Variants in MROH7 observed in about 807,000 individuals in gnomAD.
The protein encoded by MROH7 is maestro heat-like repeat-containing protein family member 7.
MROH7 carries 113 observed loss-of-function variants against 129.2 expected under a neutral mutation model. The observed-to-expected ratio is 0.87, with a 90% CI of 0.75 to 1.02. The LOEUF is 1.02. Among genes scored for constraint, MROH7 ranks in the 50% least tolerant of loss-of-function variants. The pLI is 0.00. For missense variants in MROH7, 1,601 were observed against 1,671.3 expected (o/e 0.96, Z 0.73); for synonymous variants, 655 against 667.9 (o/e 0.98, Z 0.30).
At chr1:54,673,903 C>A in intron 9 of MROH7, 98 bp downstream of exon 9, 1 of 1,526,000 alleles carries the variant, frequency 6.6e-7, no homozygotes, top group Admixed American at 1.7e-5. Context: ...GTGGCTCTTG[C>A]CATCTTCAGA....
intron 17 of MROH7, chr1:54,697,811 G>T: frequency 1.7e-6 from 1 of 591,802 alleles, no homozygotes. Context: ...TTCTAAGTCT[G>T]TTAGTGTCTA....
chr1:54,650,977 C>T (rs1404096144), intron 1 of MROH7, among the ~76,000 whole-genome samples: 2 of 152,044 alleles, frequency 1.3e-5, no homozygotes, highest in Non-Finnish European at 2.9e-5. Flanking sequence ...CTCCTGCGTC[C>T]GCCTTCCAAA....
intron 10 of MROH7, 82 bp from the exon 11 acceptor site, chr1:54,678,660 C>T: frequency 2.1e-6 from 2 of 933,560 alleles, no homozygotes; most frequent in Non-Finnish European, 3.5e-6. Context: ...AAGTTAGTTC[C>T]TTATGATGTA....
intron 15 of MROH7, among the ~76,000 whole-genome samples, chr1:54,690,678 C>G (rs986827844): frequency 3.3e-5 from 5 of 152,096 alleles, no homozygotes; most frequent in African/African-American, 1.2e-4. Context: ...CTCCTGACCT[C>G]GTGATCCACC....
intron 15 of MROH7, 26 bp downstream of exon 15, chr1:54,686,474 C>T: frequency 6.3e-7 from 1 of 1,599,774 alleles, no homozygotes. Context: ...TCTCTTGACC[C>T]TGCTGTCCCC....
At chr1:54,670,667 A>ACCCCCCCCCCC in intron 6 of MROH7, 91 bp downstream of exon 6, 11 of 960,094 alleles carry the variant, frequency 1.1e-5, no homozygotes, top group East Asian at 6.5e-5. Context: ...CCCTCCCCCA[A>ACCCCCCCCCCC]CCCGCCCCCA....
At chr1:54,664,350 G>A (rs766211816) in intron 3 of MROH7, among the ~76,000 whole-genome samples, 1 of 152,238 alleles carries the variant, frequency 6.6e-6, no homozygotes. Flanking sequence ...GACAATGCAC[G>A]ACAAGACCAT....
At position 54,643,197 on chromosome 1, in the gene MROH7, G is replaced by A. The variant is rs1644414228; in HGVS notation, c.-110+1229G>A. On this transcript the variant is annotated intron_variant, in intron 1 of 23. Transcript: ENST00000421030. Reference sequence around the variant, plus strand: ...TGAGGAGGGTGCCTCACCCACATTTGGGGATTCCAGGAAGACTTCCTGGGG... The same window carrying A: ...TGAGGAGGGTGCCTCACCCACATTTAGGGATTCCAGGAAGACTTCCTGGGG... 2.0e-5 allele frequency among the ~76,000 whole-genome samples: 3 copies of A among 152,194 alleles called. No homozygotes were observed. The South Asian group carries it at 6.2e-4, about 31-fold the overall frequency.
chr1:54,681,137 G>A (rs1645063974), intron 13 of MROH7, among the ~76,000 whole-genome samples: 1 of 152,126 alleles, frequency 6.6e-6, no homozygotes, highest in Non-Finnish European at 1.5e-5. Context: ...CATAGTCTCG[G>A]GTGCCAAGTC....
At chr1:54,675,209 C>T (rs887753504) in intron 10 of MROH7, among the ~76,000 whole-genome samples, 4 of 152,152 alleles carry the variant, frequency 2.6e-5, no homozygotes, top group East Asian at 1.9e-4. Flanking sequence ...CTCCTGACCT[C>T]GAGTGACCCA....
chr1:54,695,815 G>A, intron 17 of MROH7: 2 of 376,056 alleles, frequency 5.3e-6, no homozygotes, highest in South Asian at 2.1e-5. Flanking sequence ...GTGTGGCAGA[G>A]GACACAGAGG....
intron 1 of MROH7, among the ~76,000 whole-genome samples, chr1:54,642,764 C>T (rs2101045671): frequency 6.6e-6 from 1 of 152,250 alleles, no homozygotes; most frequent in South Asian, 2.1e-4. Flanking sequence ...TACAGGTGCA[C>T]ACATCATGCC....
At chr1:54,668,487 C>G (rs1287797542) in intron 4 of MROH7, among the ~76,000 whole-genome samples, 1 of 152,136 alleles carries the variant, frequency 6.6e-6, no homozygotes, top group African/African-American at 2.4e-5. Flanking sequence ...TAGCAGAATG[C>G]CTCAATCTGA....
At chr1:54,707,299 G>C (rs1296552599) in intron 22 of MROH7, among the ~76,000 whole-genome samples, 1 of 152,188 alleles carries the variant, frequency 6.6e-6, no homozygotes, top group African/African-American at 2.4e-5. Flanking sequence ...TTGTTGCAAA[G>C]AGGCTTGGAA....
chr1:54,692,723 A>G (rs964963634), intron 16 of MROH7, among the ~76,000 whole-genome samples, 162 bp downstream of exon 16: 2 of 152,170 alleles, frequency 1.3e-5, no homozygotes, highest in Non-Finnish European at 2.9e-5. Context: ...CTTGGCAGGT[A>G]GACAATACAA....
At chr1:54,675,852 T>C (rs535498775) in intron 10 of MROH7, among the ~76,000 whole-genome samples, 2 of 151,814 alleles carry the variant, frequency 1.3e-5, no homozygotes, top group Non-Finnish European at 2.9e-5. Context: ...ACCAGGCTGG[T>C]CTCGAACTTC....
chr1:54,657,748 C>G (rs1239035015), intron 3 of MROH7, among the ~76,000 whole-genome samples: 3 of 151,832 alleles, frequency 2.0e-5, no homozygotes, highest in Non-Finnish European at 4.4e-5. Flanking sequence ...ACTGCAACCT[C>G]TGCCTCCCAG....
chr1:54,661,854 C>T (rs1353556204), intron 3 of MROH7, among the ~76,000 whole-genome samples: 1 of 152,116 alleles, frequency 6.6e-6, no homozygotes, highest in African/African-American at 2.4e-5. Context: ...CCTTGGTCTC[C>T]CAAAGTGCCG....
chr1:54,659,050 T>C (rs1644690579), intron 3 of MROH7: 2 of 401,736 alleles, frequency 5.0e-6, no homozygotes, highest in Admixed American at 3.1e-5. Context: ...TTATTGCCAA[T>C]AGAATAATAC....
Sources: allele counts gnomAD v4.1 joint callset (sites outside exome capture counted in the v4.1 genomes callset), GRCh38; gene constraint gnomAD v4.1.1; transcripts MANE v1.5; gene names NCBI Gene and HGNC (gene_info 2026-07-23, HGNC 2026-07-21).